CACNA1D: variants seen among roughly 807,000 people sequenced by gnomAD.
CACNA1D encodes calcium voltage-gated channel subunit alpha1 D, also known as voltage-dependent L-type calcium channel subunit alpha-1D.
CACNA1D carries 55 observed loss-of-function variants against 257.1 expected under a neutral mutation model. The ratio of observed to expected loss-of-function variants is 0.21; its 90% CI spans 0.17 to 0.27. The LOEUF (loss-of-function observed/expected upper bound fraction) is 0.27. Among genes scored for constraint, CACNA1D ranks in the 10% least tolerant of loss-of-function variants. The pLI is 1.00. For synonymous variants in CACNA1D, 980 were observed against 1,014.9 expected (o/e 0.97, Z 0.65); for missense variants, 1,876 against 2,784.0 (o/e 0.67, Z 7.34).
intron 3 of CACNA1D, among the ~76,000 whole-genome samples, chr3:53,605,008 C>T (rs1160529523): frequency 6.6e-6 from 1 of 152,186 alleles, no homozygotes; most frequent in East Asian, 1.9e-4. Context: ...TTCCTTTCTC[C>T]TCTACTCAAG....
chr3:53,534,670 T>G (rs1287051705), intron 3 of CACNA1D, among the ~76,000 whole-genome samples: 1 of 152,246 alleles, frequency 6.6e-6, no homozygotes, highest in Non-Finnish European at 1.5e-5. Context: ...CCTCACTTGC[T>G]TTTCTTACCT....
At chr3:53,563,833 G>T (rs980807079) in intron 3 of CACNA1D, among the ~76,000 whole-genome samples, 1 of 152,058 alleles carries the variant, frequency 6.6e-6, no homozygotes, top group Non-Finnish European at 1.5e-5. Context: ...AATTCAAATG[G>T]TGCTATATTG....
At chr3:53,631,088 C>T (rs1334430810) in intron 3 of CACNA1D, among the ~76,000 whole-genome samples, 1 of 152,152 alleles carries the variant, frequency 6.6e-6, no homozygotes, top group East Asian at 1.9e-4. Flanking sequence ...CCGAAGAAGG[C>T]TGGGGTGGCC....
At chr3:53,650,720 G>A (rs1559468362) in intron 3 of CACNA1D, 59 bp from the exon 4 acceptor site, 40 of 1,569,794 alleles carry the variant, frequency 2.5e-5, no homozygotes, top group Non-Finnish European at 3.5e-5. Flanking sequence ...TCCTTTTTCT[G>A]TCTCCTCTTC....
rs566204255 is a variant in CACNA1D at position 53,594,945 on chromosome 3, A to C, written c.484-55834A>C. Among the ~76,000 whole-genome samples the C allele has an allele frequency of 2.0e-5, 3 of 152,256 alleles. No individual in the cohort carries two copies. In the South Asian group the frequency reaches 6.2e-4, roughly 31 times the overall value. ...CAGGAGTCACCCAGATATGAAAATC[A>C]GATCTTGAATTCGTCTATTGATCAG... On this transcript the variant is annotated intron_variant, in intron 3 of 47. Transcript: ENST00000350061.
chr3:53,518,694 C>G (rs1216775629), intron 3 of CACNA1D, among the ~76,000 whole-genome samples: 1 of 152,168 alleles, frequency 6.6e-6, no homozygotes, highest in African/African-American at 2.4e-5. Context: ...TACTCCCCGT[C>G]TTTTCTTTAA....
At position 53,747,323 on chromosome 3, in the gene CACNA1D, G is replaced by A. The variant is rs772846403; in HGVS notation, c.3189G>A (p.Lys1063=). Residue 1063 remains lysine (K), a synonymous_variant, in exon 26 of 48, where the codon AAG becomes AAA. Transcript: ENST00000350061. ...EECRGLFILY[K]DGDVDSPVVR... Reference sequence around the variant, plus strand: ...CCAGGGGACTTTTCATCCTCTACAAGGATGGGGATGTTGACAGTCCTGTGG... The same window carrying A: ...CCAGGGGACTTTTCATCCTCTACAAAGATGGGGATGTTGACAGTCCTGTGG... 1.2e-6 allele frequency: 2 copies of A among 1,614,130 alleles called. No individual in the cohort carries two copies. The highest frequency in any genetic ancestry group is 1.7e-6 in the Non-Finnish European group (2 of 1,179,972).
At chr3:53,628,006 C>T (rs992653717) in intron 3 of CACNA1D, among the ~76,000 whole-genome samples, 1 of 151,626 alleles carries the variant, frequency 6.6e-6, no homozygotes, top group Non-Finnish European at 1.5e-5. Flanking sequence ...GGTGACAGAG[C>T]GAGACTCCAT....
intron 8 of CACNA1D, among the ~76,000 whole-genome samples, chr3:53,684,309 G>A (rs1201554195): frequency 2.6e-5 from 4 of 152,106 alleles, no homozygotes; most frequent in African/African-American, 4.8e-5. Flanking sequence ...AGATAGAAAC[G>A]TTAAATGTCC....
At position 53,495,079 on chromosome 3, in the gene CACNA1D, T is replaced by A; in HGVS notation, c.-88T>A. On this transcript the variant is annotated 5_prime_UTR_variant, in exon 1 of 48. Transcript: ENST00000350061. The surrounding 1 kb of genome is among the most constrained non-coding windows in gnomAD (Gnocchi z 5.1). ...AAGGGCAGGGACCGCGGCTCCTACC[T>A]CTTGGTGATCCCCTTCCCCATTCCG... 1 of 805,886 alleles carries A rather than the reference T, an allele frequency of 1.2e-6. No homozygotes were observed. Among genetic ancestry groups the A allele is most frequent in the Non-Finnish European group, 1.9e-6 (1 of 526,406 alleles). The allele number at this position is 805,886 out of a possible 1,614,324, so 49.9% of individuals were successfully genotyped here. A position where few individuals can be genotyped will look rare whatever the true frequency, so the allele number is the denominator to read the frequency against.
chr3:53,812,326 T>TAGA lies in CACNA1D; in HGVS notation c.*925_*927dup, dbSNP rs1164504418. On this transcript the variant is annotated 3_prime_UTR_variant, in exon 48 of 48. Transcript: ENST00000350061. ...TATTTTTACTCGGGCTATCCAGAAG[T>TAGA]AGAAGAAATAGAGCCAATTCTCATT... 2.0e-5 allele frequency: 3 copies of TAGA among 152,212 alleles called. No homozygotes were observed. Among genetic ancestry groups the TAGA allele is most frequent in the African/African-American group, 7.2e-5 (3 of 41,456 alleles). 9.4% of individuals were successfully genotyped at this position (152,212 alleles called of 1,614,324 possible). A position where few individuals can be genotyped will look rare whatever the true frequency, so the allele number is the denominator to read the frequency against.
At chr3:53,759,044 C>T (rs74739786) in intron 29 of CACNA1D, among the ~76,000 whole-genome samples, 2 of 152,144 alleles carry the variant, frequency 1.3e-5, no homozygotes, top group African/African-American at 4.8e-5. Context: ...GTCAGAGCCA[C>T]CTGGTCAGAG....
chr3:53,550,383 T>C (rs2092506327), intron 3 of CACNA1D, among the ~76,000 whole-genome samples: 1 of 152,144 alleles, frequency 6.6e-6, no homozygotes, highest in South Asian at 2.1e-4. Context: ...TAGGTCTCAC[T>C]CCCTCAGCAC....
chr3:53,511,418 G>A (rs961593605), intron 3 of CACNA1D, among the ~76,000 whole-genome samples: 1 of 152,104 alleles, frequency 6.6e-6, no homozygotes. Flanking sequence ...AAGCAGCCAC[G>A]CTCATTCAGA....
chr3:53,656,967 A>T (rs372688109), intron 4 of CACNA1D, among the ~76,000 whole-genome samples: 5 of 152,190 alleles, frequency 3.3e-5, no homozygotes, highest in Non-Finnish European at 5.9e-5. Flanking sequence ...GAAATGGAAA[A>T]TGGTATAATC....
At chr3:53,732,264 A>C (rs929232033) in intron 18 of CACNA1D, among the ~76,000 whole-genome samples, 182 bp downstream of exon 18, 1 of 152,178 alleles carries the variant, frequency 6.6e-6, no homozygotes, top group Non-Finnish European at 1.5e-5. Flanking sequence ...TGTGTCACTC[A>C]AATTCCAGGT....
intron 20 of CACNA1D, among the ~76,000 whole-genome samples, chr3:53,736,305 C>T (rs1363266091): frequency 6.6e-6 from 1 of 151,716 alleles, no homozygotes; most frequent in Non-Finnish European, 1.5e-5. Context: ...TGCACCACTG[C>T]ACTCCAGCCT....
intron 3 of CACNA1D, among the ~76,000 whole-genome samples, chr3:53,508,964 C>T (rs1575705179): frequency 6.6e-6 from 1 of 152,082 alleles, no homozygotes; most frequent in East Asian, 1.9e-4. Context: ...TGTCCCTGCC[C>T]CAGCAAGGGT....
At chr3:53,602,610 A>G (rs2093458204) in intron 3 of CACNA1D, among the ~76,000 whole-genome samples, 1 of 152,196 alleles carries the variant, frequency 6.6e-6, no homozygotes, top group African/African-American at 2.4e-5. Context: ...TATCCTTACC[A>G]GCATCTGTTA....
Sources: allele counts gnomAD v4.1 joint callset (sites outside exome capture counted in the v4.1 genomes callset), GRCh38; gene constraint gnomAD v4.1.1; non-coding constraint Gnocchi (gnomAD v3.1); transcripts MANE v1.5; gene names NCBI Gene and HGNC (gene_info 2026-07-23, HGNC 2026-07-21).